The following DNMT1 variants were observed in gnomAD, a reference collection of about 807,000 sequenced individuals.
The protein encoded by DNMT1 is DNA methyltransferase 1.
A neutral mutation model predicts 205.3 loss-of-function variants in DNMT1; 24 were observed. The observed-to-expected ratio is 0.12, with a 90% CI of 0.08 to 0.16. The LOEUF (loss-of-function observed/expected upper bound fraction) is 0.16. Among genes scored for constraint, DNMT1 ranks in the 10% least tolerant of loss-of-function variants. DNMT1 has a pLI of 1.00. For missense variants in DNMT1, 1,293 were observed against 2,177.7 expected, an observed-to-expected ratio of 0.59 and a Z score of 8.09; for synonymous variants, 817 against 839.8, an observed-to-expected ratio of 0.97 and a Z score of 0.47.
rs138392551 is a variant in DNMT1 at position 10,175,841 on chromosome 19, C to T, written c.570-223G>A. ...AGTGTCAGAGAAGAGACCTCACACA[C>T]CTTTCTGATGGAGGGACACAGCACC... On this transcript the variant is annotated intron_variant, in intron 6 of 40. Transcript: ENST00000359526. 2.3e-3 allele frequency among the ~76,000 whole-genome samples: 350 copies of T among 152,302 alleles called. 3 individuals carry two copies. Among genetic ancestry groups the T allele is most frequent in the African/African-American group, 8.0e-3 (331 of 41,576 alleles).
rs2038199203 is a variant in DNMT1, at chr19:10,146,304, C to T, written c.2894+47G>A. The T allele has an allele frequency of 1.2e-6, 2 of 1,607,130 alleles. No individual in the cohort carries two copies. Among genetic ancestry groups the T allele is most frequent in the Non-Finnish European group, 1.7e-6 (2 of 1,176,774 alleles). ...GGGGGACACCACAAAGCCAGCCTGG[C>T]TCAGCCTGGAGCGCCCTGGCCCCGG... On this transcript the variant is annotated intron_variant, in intron 28 of 40. Coordinates refer to ENST00000359526, the MANE Select transcript of DNMT1 (RefSeq NM_001130823.3). The surrounding 1 kb of genome is among the most constrained non-coding windows in gnomAD (Gnocchi z 4.4).
rs768764350 is a variant in DNMT1 at position 10,136,285 on chromosome 19, C to T, written c.4492G>A (p.Gly1498Ser). 1.1e-5 allele frequency: 17 copies of T among 1,613,784 alleles called. No individual in the cohort carries two copies. Among genetic ancestry groups the T allele is most frequent in the East Asian group, 2.2e-5 (1 of 44,874 alleles). Reference sequence around the variant, plus strand: ...CTGGCTGCGGGGTCGCAGGCTTTGCCGGCTGGAAGACAGGACAGTGATGAG... The same window carrying T: ...CTGGCTGCGGGGTCGCAGGCTTTGCTGGCTGGAAGACAGGACAGTGATGAG... ...LRGVCSCVEA[G>S]KACDPAARQF... is the part of the protein sequence containing the mutation. Residue 1498 changes from glycine to serine, a missense_variant and splice_region_variant, in exon 38 of 41, where the codon GGC becomes AGC. By Grantham distance (56) the Gly-to-Ser change is moderately conservative. Coordinates refer to ENST00000359526, the MANE Select transcript of DNMT1 (RefSeq NM_001130823.3).
intron 17 of DNMT1, among the ~76,000 whole-genome samples, chr19:10,158,763 AACC>A (rs994178128): frequency 2.0e-5 from 3 of 152,136 alleles, no homozygotes; most frequent in African/African-American, 7.2e-5. Context: ...CCAACCCAGC[AACC>A]ACCACACCAG....
At chr19:10,189,061 C>G (rs530381496) in intron 1 of DNMT1, among the ~76,000 whole-genome samples, 1 of 151,998 alleles carries the variant, frequency 6.6e-6, no homozygotes, top group Admixed American at 6.6e-5. Context: ...TTTAAGCCGG[C>G]AAGTTTGAGG....
chr19:10,173,163 G>T lies in DNMT1; in HGVS notation c.695C>A (p.Pro232Gln). 6.2e-7 allele frequency: 1 copy of T among 1,614,096 alleles called. No individual in the cohort carries two copies. The highest frequency in any genetic ancestry group is 8.5e-7 in the Non-Finnish European group (1 of 1,180,028). ...RVTSRERVAR[P>Q]LPAEEPERAK... Reference sequence around the variant, plus strand: ...TCTTTCAGGTTCTTCTGCAGGAAGCGGTCTAGCAACTCTGTCAAGCAAAAT... The same window carrying T: ...TCTTTCAGGTTCTTCTGCAGGAAGCTGTCTAGCAACTCTGTCAAGCAAAAT... The change falls in exon 9 of 41, where the codon CCG becomes CAG. Residue 232 changes from proline to glutamine, a missense_variant. Physicochemically the swap from Pro to Gln is moderately conservative, Grantham distance 76. Around this residue, in one of 13 missense-constraint regions of DNMT1, gnomAD observed 394 missense variants for 451.6 expected, o/e 0.87. Transcript: ENST00000359526.
intron 9 of DNMT1, among the ~76,000 whole-genome samples, chr19:10,169,607 CA>C (rs1034428596): frequency 2.1e-5 from 3 of 142,056 alleles, no homozygotes; most frequent in African/African-American, 7.9e-5. Flanking sequence ...ACTAAAAATA[CA>C]AAAAAAAATT....
intron 27 of DNMT1, among the ~76,000 whole-genome samples, chr19:10,147,907 A>G (rs1168207096): frequency 6.6e-6 from 1 of 151,792 alleles, no homozygotes; most frequent in African/African-American, 2.4e-5. Context: ...TGAGGTCGGG[A>G]GTTCGAGACC....
Position 10,140,650 on chromosome 19 carries a change from G to A in DNMT1, c.3523+131C>T, listed in dbSNP as rs1308515101. 2 of 1,523,458 alleles carry A rather than the reference G, an allele frequency of 1.3e-6. No individual in the cohort carries two copies. The highest frequency in any genetic ancestry group is 1.8e-6 in the Non-Finnish European group (2 of 1,105,816). 94.4% of individuals were successfully genotyped at this position (1,523,458 alleles called of 1,614,324 possible). A position where few individuals can be genotyped will look rare whatever the true frequency, so the allele number is the denominator to read the frequency against. ...CCCAAAGTGCTGGGATTACAGGCGT[G>A]CGCCACCGTGCCTGGCCTCGGAAGG... is the stretch of plus-strand genomic sequence containing the variant. On this transcript the variant is annotated intron_variant, in intron 32 of 40. Transcript: ENST00000359526. The surrounding 1 kb of genome is among the most constrained non-coding windows in gnomAD (Gnocchi z 8.4).
intron 5 of DNMT1, 113 bp from the exon 6 acceptor site, chr19:10,177,480 A>G: frequency 9.8e-7 from 1 of 1,024,462 alleles, no homozygotes. Context: ...GCCAGGTTCT[A>G]AGGACTAAGC....
chr19:10,138,868 A>G lies in DNMT1; in HGVS notation c.3949-263T>C, dbSNP rs2145261553. ...CTGCGGGGAAGTCCGGCCAGCTCTGAAAGCACTGCAAGGGCCCCAAGGTCT... is the reference window on the plus strand; with the variant it reads ...CTGCGGGGAAGTCCGGCCAGCTCTGGAAGCACTGCAAGGGCCCCAAGGTCT... On this transcript the variant is annotated intron_variant, in intron 34 of 40. Coordinates refer to ENST00000359526, the MANE Select transcript of DNMT1 (RefSeq NM_001130823.3). The surrounding 1 kb of genome is among the most constrained non-coding windows in gnomAD (Gnocchi z 4.1). 6.6e-6 allele frequency among the ~76,000 whole-genome samples: 1 copy of G among 152,318 alleles called. No homozygotes were observed. The highest frequency in any genetic ancestry group is 2.4e-5 in the African/African-American group (1 of 41,580).
At chr19:10,149,825 G>GA in intron 25 of DNMT1, 28 bp downstream of exon 25, 1 of 1,612,018 alleles carries the variant, frequency 6.2e-7, no homozygotes, top group Non-Finnish European at 8.5e-7. Flanking sequence ...AGTGCATGCA[G>GA]AAGTCAAGCA....
Position 10,164,737 on chromosome 19 carries a change from G to A in DNMT1, c.892-1377C>T, listed in dbSNP as rs1362036036. The stretch of plus-strand genomic sequence containing the variant: ...GAGATCAGGAGTTAGAGACCAGCCT[G>A]GCCAACATGGTGAATCCCTGTCTCT... On this transcript the variant is annotated intron_variant, in intron 11 of 40. Coordinates refer to ENST00000359526, the MANE Select transcript of DNMT1 (RefSeq NM_001130823.3). 2.6e-5 allele frequency among the ~76,000 whole-genome samples: 4 copies of A among 151,782 alleles called. No homozygotes were observed. In the East Asian group the frequency reaches 7.8e-4, roughly 29 times the overall value.
Position 10,182,560 on chromosome 19 carries a change from T to TAC in DNMT1, c.81-485_81-484dup, listed in dbSNP as rs200065669. On this transcript the variant is annotated intron_variant, in intron 1 of 40. Coordinates refer to ENST00000359526, the MANE Select transcript of DNMT1 (RefSeq NM_001130823.3). ...ATATATACATATGTGTATATATATA[T>TAC]ACACACACACACAGCAGCTCTGTAA... Among the ~76,000 whole-genome samples the TAC allele has an allele frequency of 1.3e-4, 20 of 148,776 alleles. 1 individual carries two copies. The highest frequency in any genetic ancestry group is 4.2e-4 in the South Asian group (2 of 4,756).
At chr19:10,142,662 T>C (rs985245582) in intron 29 of DNMT1, among the ~76,000 whole-genome samples, 36 of 129,242 alleles carry the variant, frequency 2.8e-4, no homozygotes, top group African/African-American at 7.9e-4. Context: ...CCCCCAGTTA[T>C]GGAACCGCAG....
chr19:10,152,575 C>T (rs2038370057), intron 22 of DNMT1, among the ~76,000 whole-genome samples: 1 of 152,044 alleles, frequency 6.6e-6, no homozygotes, highest in Non-Finnish European at 1.5e-5. Flanking sequence ...GCCTAGGCAA[C>T]ATGGCAAAAT....
Position 10,159,136 on chromosome 19 carries a change from G to A in DNMT1, c.1280+522C>T, listed in dbSNP as rs2038515664. The stretch of plus-strand genomic sequence containing the variant: ...GCGTGTGACCCTCAGGATGTGGGCA[G>A]AATGGAGGGGTAATATGTGTAGTGT... On this transcript the variant is annotated intron_variant, in intron 17 of 40. Transcript: ENST00000359526. The surrounding 1 kb of genome is among the most constrained non-coding windows in gnomAD (Gnocchi z 5.0). Among the ~76,000 whole-genome samples the A allele has an allele frequency of 6.6e-6, 1 of 152,288 alleles. No individual in the cohort carries two copies. The highest frequency in any genetic ancestry group is 2.1e-4 in the South Asian group (1 of 4,828).
At chr19:10,172,209 A>C (rs528772325) in intron 9 of DNMT1, among the ~76,000 whole-genome samples, 160 of 151,404 alleles carry the variant, frequency 1.1e-3, no homozygotes, top group Non-Finnish European at 2.1e-3. Context: ...TGAGATTGGG[A>C]GTTCAAGACC....
Position 10,154,126 on chromosome 19 carries a change from C to A in DNMT1, c.2019+167G>T, listed in dbSNP as rs2038405218. ...TGTGGACATCTGTCCTATTGACGTTCAATGAAGTATGCAGGGTCCTCCCAG... is the reference window on the plus strand; with the variant it reads ...TGTGGACATCTGTCCTATTGACGTTAAATGAAGTATGCAGGGTCCTCCCAG... On this transcript the variant is annotated intron_variant, in intron 22 of 40. Transcript: ENST00000359526. This position sits in a 1 kb window ranked among gnomAD's most constrained non-coding sequence, Gnocchi z 6.3. 6.6e-6 allele frequency among the ~76,000 whole-genome samples: 1 copy of A among 152,140 alleles called. No homozygotes were observed. The highest frequency in any genetic ancestry group is 2.1e-4 in the South Asian group (1 of 4,812).
At position 10,135,753 on chromosome 19, in the gene DNMT1, G is replaced by A. The variant is rs1347056100; in HGVS notation, c.4756C>T (p.Leu1586=). Residue 1586 remains leucine, a synonymous_variant, in exon 39 of 41, where the codon CTG becomes TTG. Transcript: ENST00000359526. ...PDTYRLFGNI[L]DKHRQVGNAV... ...CCACTGACCTGCCGGTGCTTGTCCAGGATGTTGCCGAAGAGCCGGTAGGTG... is the reference window on the plus strand; with the variant it reads ...CCACTGACCTGCCGGTGCTTGTCCAAGATGTTGCCGAAGAGCCGGTAGGTG... 1 of 1,606,576 alleles carries A rather than the reference G, an allele frequency of 6.2e-7. No individual in the cohort carries two copies. The highest frequency in any genetic ancestry group is 1.7e-5 in the Admixed American group (1 of 59,382).
Sources: gnomAD v4.1 joint callset for allele counts (sites outside exome capture counted in the v4.1 genomes callset) on GRCh38, gnomAD v4.1.1 for gene constraint, gnomAD v4.1.1 regional missense constraint, Gnocchi (gnomAD v3.1) non-coding constraint, MANE v1.5 for transcripts, NCBI Gene and HGNC (gene_info 2026-07-23, HGNC 2026-07-21) for gene names.